Variants in FHIP2A observed in about 807,000 individuals in gnomAD.
FHIP2A encodes FHF complex subunit HOOK interacting protein 2A.
In FHIP2A, 46 loss-of-function variants were observed where a neutral mutation model predicts 93.5. The ratio of observed to expected loss-of-function variants is 0.49; its 90% confidence interval spans 0.39 to 0.63. The LOEUF is 0.63. FHIP2A is among the 20% of genes least tolerant of loss of function. FHIP2A has a pLI of 0.00. For missense variants in FHIP2A, 769 were observed against 909.7 expected, an observed-to-expected ratio of 0.85 and a Z score of 1.99; for synonymous variants, 332 against 326.5, an observed-to-expected ratio of 1.02 and a Z score of -0.18.
At chr10:114,858,571 A>C (rs1249627770) in intron 14 of FHIP2A, among the ~76,000 whole-genome samples, 3 of 150,826 alleles carry the variant, frequency 2.0e-5, no homozygotes, top group African/African-American at 7.3e-5. Context: ...GTTGTATTTT[A>C]AATTTTTTCT....
intron 5 of FHIP2A, among the ~76,000 whole-genome samples, chr10:114,839,881 C>CAAA (rs10612399): frequency 5.3e-4 from 51 of 95,496 alleles, no homozygotes; most frequent in Non-Finnish European, 6.7e-4. Context: ...GACTCTGTCT[C>CAAA]AAAAAAAAAA....
chr10:114,883,327 CTCTTCTCATATCCACGTG>C (rs1592033592), intron 16 of FHIP2A, among the ~76,000 whole-genome samples: 1 of 152,086 alleles, frequency 6.6e-6, no homozygotes, highest in African/African-American at 2.4e-5. Context: ...ATCAGTTCTC[CTCTTCTCATATCCACGTG>C]TCTTCTCTTC....
chr10:114,849,817 T>C (rs7919649), intron 13 of FHIP2A, among the ~76,000 whole-genome samples: 62,380 of 151,988 alleles, frequency 0.41, 13,408 homozygotes, highest in Non-Finnish European at 0.48. Context: ...CATCTACTTT[T>C]TGTCTCTATG....
In FHIP2A at chr10:114,891,535, A is replaced by ATGTG. The variant is rs1342933567; in HGVS notation, c.2193-7954_2193-7953insGTGT. ...ATGCCACAAGGGTGAATATATATAT[A>ATGTG]TATGTGTGTGTGTGTGTGTGTGTGT... On this transcript the variant is annotated intron_variant, in intron 16 of 16. Transcript: ENST00000369250. Among the ~76,000 whole-genome samples the ATGTG allele has an allele frequency of 2.1e-3, 260 of 126,478 alleles. 1 individual carries two copies. Among genetic ancestry groups the ATGTG allele is most frequent in the Middle Eastern group, 0.012 (3 of 254 alleles). The allele number at this position is 126,478 out of a possible 152,430, so 83.0% of individuals were successfully genotyped here.
At chr10:114,860,414 G>T (rs538331942) in intron 14 of FHIP2A, among the ~76,000 whole-genome samples, 1 of 152,148 alleles carries the variant, frequency 6.6e-6, no homozygotes, top group Non-Finnish European at 1.5e-5. Context: ...GTGCAGTGGC[G>T]TGATCTCGGC....
intron 16 of FHIP2A, among the ~76,000 whole-genome samples, chr10:114,894,386 C>T (rs1414001466): frequency 7.9e-6 from 1 of 126,802 alleles, no homozygotes; most frequent in Non-Finnish European, 1.6e-5. Flanking sequence ...CAGCAAAACC[C>T]CATCTCTACA....
chr10:114,861,017 C>T, intron 15 of FHIP2A, 128 bp downstream of exon 15: 1 of 1,036,320 alleles, frequency 9.6e-7, no homozygotes, highest in Non-Finnish European at 1.4e-6. Flanking sequence ...AATTATTATA[C>T]ATTCTGAACT....
At position 114,850,544 on chromosome 10, in the gene FHIP2A, A is replaced by T. The variant is rs995281289; in HGVS notation, c.1803+1807A>T. On this transcript the variant is annotated intron_variant, in intron 13 of 16. Coordinates refer to ENST00000369248, the MANE Select transcript of FHIP2A (RefSeq NM_020940.4). ...AATCCCATTTTTACAAAAATTTTTT[A>T]AAAAAATTATCCGTGTGTGGTGGCA... Among the ~76,000 whole-genome samples the T allele has an allele frequency of 1.3e-3, 71 of 54,670 alleles. 1 individual carries two copies. Among genetic ancestry groups the T allele is most frequent in the South Asian group, 0.011 (15 of 1,364 alleles). 35.9% of individuals were successfully genotyped at this position (54,670 alleles called of 152,430 possible). A position where few individuals can be genotyped will look rare whatever the true frequency, so the allele number is the denominator to read the frequency against.
chr10:114,844,226 A>T (rs2083686937), intron 7 of FHIP2A, among the ~76,000 whole-genome samples: 1 of 152,080 alleles, frequency 6.6e-6, no homozygotes, highest in African/African-American at 2.4e-5. Context: ...AAAACAAAAA[A>T]CCCTCAAAGA....
downstream of FHIP2A, among the ~76,000 whole-genome samples, chr10:114,868,638 G>A (rs1452314840): frequency 6.6e-6 from 1 of 152,052 alleles, no homozygotes; most frequent in Non-Finnish European, 1.5e-5. Flanking sequence ...TTACATGAAG[G>A]TAAAACCCCT....
intron 13 of FHIP2A, among the ~76,000 whole-genome samples, chr10:114,852,271 T>C (rs2083741802): frequency 6.6e-6 from 1 of 152,118 alleles, no homozygotes; most frequent in African/African-American, 2.4e-5. Flanking sequence ...ATTCTTTTGG[T>C]TTAACATTCA....
downstream of FHIP2A, among the ~76,000 whole-genome samples, chr10:114,866,327 C>T (rs1003157461): frequency 7.2e-5 from 11 of 152,234 alleles, no homozygotes; most frequent in East Asian, 5.8e-4. Flanking sequence ...TAGTATTCCA[C>T]GGTGTATATA....
intron 7 of FHIP2A, among the ~76,000 whole-genome samples, chr10:114,845,099 C>T (rs2083692766): frequency 6.6e-6 from 1 of 152,140 alleles, no homozygotes; most frequent in Non-Finnish European, 1.5e-5. Flanking sequence ...GCATGAGCCA[C>T]CACACCTGGC....
intron 16 of FHIP2A, among the ~76,000 whole-genome samples, chr10:114,875,141 C>A (rs1180481309): frequency 6.6e-6 from 1 of 152,176 alleles, no homozygotes; most frequent in Admixed American, 6.5e-5. Context: ...TGGATGGGCT[C>A]AGTTCCGAGG....
intron 16 of FHIP2A, among the ~76,000 whole-genome samples, chr10:114,890,603 A>G (rs1252179842): frequency 1.4e-5 from 2 of 148,074 alleles, no homozygotes; most frequent in Non-Finnish European, 3.0e-5. Context: ...TGACATATAT[A>G]GTTTATAAAA....
intron 16 of FHIP2A, among the ~76,000 whole-genome samples, chr10:114,880,409 G>A (rs2083910964): frequency 6.6e-6 from 1 of 152,194 alleles, no homozygotes; most frequent in East Asian, 1.9e-4. Context: ...GCTGGGTGCA[G>A]GGGCTCATGC....
At chr10:114,826,502 G>A (rs897849503) in intron 1 of FHIP2A, among the ~76,000 whole-genome samples, 4 of 152,216 alleles carry the variant, frequency 2.6e-5, no homozygotes, top group African/African-American at 4.8e-5. Flanking sequence ...CACATAAAAA[G>A]TGCTCAGTAA....
In FHIP2A at chr10:114,855,251, G is replaced by A. The variant is rs2083760115; in HGVS notation, c.1858G>A (p.Ala620Thr). Reference sequence around the variant, plus strand: ...ATGGGAGTGGCCTGGGTCTCCAAAAGCATTGGAAAAGTGCAATTTAGAAGC... The same window carrying A: ...ATGGGAGTGGCCTGGGTCTCCAAAAACATTGGAAAAGTGCAATTTAGAAGC... ...LRWEWPGSPK[A>T]LEKCNLEAAF... is the part of the protein sequence containing the mutation. The change falls in exon 14 of 17, where the codon GCA becomes ACA. Residue 620 changes from alanine (A) to threonine (T), a missense_variant. Coordinates refer to ENST00000369248, the MANE Select transcript of FHIP2A (RefSeq NM_020940.4). 4 of 1,613,892 alleles carry A rather than the reference G, an allele frequency of 2.5e-6. No homozygotes were observed. The highest frequency in any genetic ancestry group is 3.3e-5 in the Admixed American group (2 of 60,000).
intron 16 of FHIP2A, among the ~76,000 whole-genome samples, chr10:114,894,144 T>C (rs2083988968): frequency 6.6e-6 from 1 of 152,134 alleles, no homozygotes; most frequent in Non-Finnish European, 1.5e-5. Context: ...TATGAGTTCT[T>C]CTTTTATGAT....
Sources: gnomAD v4.1 joint callset for allele counts (sites outside exome capture counted in the v4.1 genomes callset) on GRCh38, gnomAD v4.1.1 for gene constraint, MANE v1.5 for transcripts, NCBI Gene and HGNC (gene_info 2026-07-23, HGNC 2026-07-21) for gene names.